PCTP: variants seen among roughly 807,000 people sequenced by gnomAD.
The protein encoded by PCTP is phosphatidylcholine transfer protein.
Under a neutral mutation model 31.0 loss-of-function variants are expected in PCTP, and 27 were observed. The ratio of observed to expected loss-of-function variants is 0.87; its 90% CI spans 0.64 to 1.20. The LOEUF (loss-of-function observed/expected upper bound fraction) is 1.20. PCTP is among the 50% of genes most tolerant of loss of function. The probability of loss-of-function intolerance (pLI) is 0.00; values close to 1 mark genes in which losing one functional copy is unlikely to be tolerated. For synonymous variants in PCTP, 108 were observed against 101.2 expected (o/e 1.07, Z -0.40); for missense variants, 287 against 268.2 (o/e 1.07, Z -0.49).
At chr17:55,850,832 T>C in the PCTP span, among the ~76,000 whole-genome samples, 2 of 152,314 alleles carry the variant, frequency 1.3e-5, no homozygotes, top group South Asian at 4.1e-4. Context: ...TGGTCAGAGA[T>C]TTTTCTCCGT....
Position 55,776,728 on chromosome 17 carries a change from A to C in PCTP, c.*628A>C. 10 of 1,186,378 alleles carry C rather than the reference A, an allele frequency of 8.4e-6. No homozygotes were observed. The highest frequency in any genetic ancestry group is 1.0e-5 in the Non-Finnish European group (10 of 959,354). The allele number at this position is 1,186,378 out of a possible 1,614,324, so 73.5% of individuals were successfully genotyped here. A position where few individuals can be genotyped will look rare whatever the true frequency, so the allele number is the denominator to read the frequency against. On this transcript the variant is annotated 3_prime_UTR_variant, in exon 6 of 6. Transcript: ENST00000268896. ...TACTTGTGGAGGATCAGTAGCTGTT[A>C]TGATGCCAGACCATTTGGAGAAGTA...
At chr17:55,797,547 T>C (rs1912224705) in intron 3 of PCTP, among the ~76,000 whole-genome samples, 1 of 152,000 alleles carries the variant, frequency 6.6e-6, no homozygotes, top group African/African-American at 2.4e-5. Flanking sequence ...CACAAAATTT[T>C]AGGAGGCACT....
chr17:55,774,783 C>A lies in PCTP; in HGVS notation c.512-9C>A. The A allele has an allele frequency of 6.3e-7, 1 of 1,593,074 alleles. No individual in the cohort carries two copies. The highest frequency in any genetic ancestry group is 8.6e-7 in the Non-Finnish European group (1 of 1,165,556). The stretch of plus-strand genomic sequence containing the variant: ...CTTTTTCTGAATTGTCCTTTCTTTC[C>A]CTCTCTAGTTTTCATGTATTACTTC... On this transcript the variant is annotated splice_polypyrimidine_tract_variant and intron_variant, in intron 4 of 5. Transcript: ENST00000268896.
downstream of PCTP, among the ~76,000 whole-genome samples, chr17:55,844,486 G>A (rs1309599121): frequency 6.6e-6 from 1 of 152,110 alleles, no homozygotes; most frequent in South Asian, 2.1e-4. Context: ...CAGTGCCATA[G>A]ATTCATAGAA....
chr17:55,831,281 GA>G (rs1418317839), intron 5 of PCTP, among the ~76,000 whole-genome samples: 2 of 152,198 alleles, frequency 1.3e-5, no homozygotes, highest in Non-Finnish European at 2.9e-5. Flanking sequence ...GGAGGTTCAG[GA>G]GAGCTTATTA....
chr17:55,798,793 T>C (rs1713364179), intron 3 of PCTP, among the ~76,000 whole-genome samples: 1 of 151,960 alleles, frequency 6.6e-6, no homozygotes, highest in Admixed American at 6.6e-5. Context: ...CAGAAAATAA[T>C]GAAGAACAAC....
downstream of PCTP, among the ~76,000 whole-genome samples, chr17:55,843,470 T>G (rs1414197781): frequency 1.3e-5 from 2 of 152,182 alleles, no homozygotes; most frequent in Non-Finnish European, 2.9e-5. Context: ...AACAACTTTA[T>G]GCAGTTCCAC....
chr17:55,849,001 A>T, the PCTP span, among the ~76,000 whole-genome samples: 3 of 152,232 alleles, frequency 2.0e-5, no homozygotes, highest in African/African-American at 4.8e-5. Context: ...TAATACAATA[A>T]AATATTATGA....
chr17:55,755,077 T>G (rs1279071166), intron 1 of PCTP, among the ~76,000 whole-genome samples: 1 of 152,208 alleles, frequency 6.6e-6, no homozygotes, highest in African/African-American at 2.4e-5. Flanking sequence ...TATACTTCAT[T>G]GAGCCTTTAT....
At chr17:55,839,723 A>G (rs1006531322) in intron 5 of PCTP, among the ~76,000 whole-genome samples, 4 of 151,578 alleles carry the variant, frequency 2.6e-5, no homozygotes, top group Non-Finnish European at 5.9e-5. Context: ...GATCGAGACC[A>G]TCCCGGCTAA....
chr17:55,762,814 AG>A (rs1187560392), intron 1 of PCTP, among the ~76,000 whole-genome samples: 2 of 151,938 alleles, frequency 1.3e-5, no homozygotes, highest in African/African-American at 2.4e-5. Flanking sequence ...AGAGGAGACC[AG>A]GGAAGTTATT....
At chr17:55,839,420 G>A (rs1905884388) in intron 5 of PCTP, among the ~76,000 whole-genome samples, 1 of 152,162 alleles carries the variant, frequency 6.6e-6, no homozygotes, top group African/African-American at 2.4e-5. Context: ...TCTCAACCCT[G>A]CACTGAATGT....
At chr17:55,848,671 C>CT in the PCTP span, among the ~76,000 whole-genome samples, 5 of 152,314 alleles carry the variant, frequency 3.3e-5, no homozygotes, top group Non-Finnish European at 7.3e-5. Context: ...GGAAACTGGC[C>CT]TTAACCCATT....
At chr17:55,825,683 C>T (rs927856842), downstream of PCTP, among the ~76,000 whole-genome samples, 1 of 152,178 alleles carries the variant, frequency 6.6e-6, no homozygotes, top group Non-Finnish European at 1.5e-5. Flanking sequence ...ATCTTCCTTG[C>T]AACAATGAAA....
intron 5 of PCTP, among the ~76,000 whole-genome samples, chr17:55,833,960 G>T (rs1356412114): frequency 6.6e-6 from 1 of 152,142 alleles, no homozygotes; most frequent in African/African-American, 2.4e-5. Flanking sequence ...TTTTGATAGA[G>T]TATATTTATA....
At chr17:55,818,085 T>G (rs1230679141) in intron 3 of PCTP, among the ~76,000 whole-genome samples, 1 of 152,216 alleles carries the variant, frequency 6.6e-6, no homozygotes, top group Non-Finnish European at 1.5e-5. Context: ...AGACTTTTCA[T>G]GAGAAACGAA....
At chr17:55,800,119 T>C (rs927872405) in intron 3 of PCTP, among the ~76,000 whole-genome samples, 2 of 151,962 alleles carry the variant, frequency 1.3e-5, no homozygotes, top group Non-Finnish European at 2.9e-5. Flanking sequence ...AATATTGGCC[T>C]GTCTTGCTAG....
rs530288293 is a variant in PCTP, at chr17:55,818,299, C to T, written c.318-4462C>T. On this transcript the variant is annotated intron_variant, in intron 3 of 3. Transcript: ENST00000572536. Reference sequence around the variant, plus strand: ...AAGTTGGCAGAGGCCAGATCAATAGCAGCCTTGGGTTTTAAACAAGACCAC... The same window carrying T: ...AAGTTGGCAGAGGCCAGATCAATAGTAGCCTTGGGTTTTAAACAAGACCAC... Among the ~76,000 whole-genome samples, 6 of 152,336 alleles carry T rather than the reference C, an allele frequency of 3.9e-5. No individual in the cohort carries two copies. In the East Asian group the frequency reaches 1.2e-3, roughly 29 times the overall value.
chr17:55,832,860 A>T (rs778709894), intron 5 of PCTP, among the ~76,000 whole-genome samples: 4 of 152,194 alleles, frequency 2.6e-5, no homozygotes, highest in South Asian at 2.1e-4. Context: ...CAGCACCCCA[A>T]GCTAAGTTGA....
Sources: gnomAD v4.1 joint callset for allele counts (sites outside exome capture counted in the v4.1 genomes callset) on GRCh38, gnomAD v4.1.1 for gene constraint, MANE v1.5 for transcripts, NCBI Gene and HGNC (gene_info 2026-07-23, HGNC 2026-07-21) for gene names.